AUTS2: variants seen among roughly 807,000 people sequenced by gnomAD.
The protein encoded by AUTS2 is autism susceptibility gene 2 protein.
AUTS2 carries 17 observed loss-of-function variants against 112.4 expected under a neutral mutation model. The ratio of observed to expected loss-of-function variants is 0.15; its 90% CI spans 0.10 to 0.23. AUTS2 has a LOEUF of 0.23. Among genes scored for constraint, AUTS2 ranks in the 10% least tolerant of loss-of-function variants. AUTS2 has a pLI of 1.00. For missense variants in AUTS2, 1,510 were observed against 1,701.6 expected (o/e 0.89, Z 1.98); for synonymous variants, 751 against 702.7 (o/e 1.07, Z -1.09).
At chr7:69,876,349 AATAT>A (rs61416382) in intron 1 of AUTS2, among the ~76,000 whole-genome samples, 1,773 of 29,490 alleles carry the variant, frequency 0.06, 66 homozygotes, top group Non-Finnish European at 0.07. Flanking sequence ...AAAAAAAAAA[AATAT>A]ATATATATAT....
intron 2 of AUTS2, among the ~76,000 whole-genome samples, chr7:69,984,347 C>T (rs933868881): frequency 1.4e-5 from 2 of 141,774 alleles, no homozygotes; most frequent in African/African-American, 5.4e-5. Context: ...GTGGAGCTTG[C>T]AGTGAGCCAA....
intron 5 of AUTS2, among the ~76,000 whole-genome samples, chr7:70,441,042 A>G (rs1796102997): frequency 6.6e-6 from 1 of 152,230 alleles, no homozygotes; most frequent in Non-Finnish European, 1.5e-5. Context: ...GAAAAACTTG[A>G]AAGTTGTGGA....
chr7:70,455,791 A>G (rs1284741034), intron 5 of AUTS2, among the ~76,000 whole-genome samples: 1 of 152,154 alleles, frequency 6.6e-6, no homozygotes, highest in Non-Finnish European at 1.5e-5. Flanking sequence ...TGTCGCTACA[A>G]TTAAAAAAAA....
chr7:70,338,772 G>A (rs912063359), intron 4 of AUTS2, among the ~76,000 whole-genome samples: 2 of 151,926 alleles, frequency 1.3e-5, no homozygotes, highest in African/African-American at 4.8e-5. Context: ...TGCTGCTGTT[G>A]TTGTTTTAAA....
chr7:70,668,706 G>A (rs1331462849), intron 5 of AUTS2, among the ~76,000 whole-genome samples: 2 of 152,226 alleles, frequency 1.3e-5, no homozygotes, highest in Non-Finnish European at 2.9e-5. Flanking sequence ...CAGTTAACAG[G>A]ACAAATATAA....
At chr7:70,512,184 G>A (rs571869337) in intron 5 of AUTS2, among the ~76,000 whole-genome samples, 2 of 152,152 alleles carry the variant, frequency 1.3e-5, no homozygotes, top group Non-Finnish European at 2.9e-5. Context: ...GTGGTGAACC[G>A]GGTGGGCCTC....
At chr7:69,892,434 A>C (rs964044300) in intron 1 of AUTS2, among the ~76,000 whole-genome samples, 1 of 152,082 alleles carries the variant, frequency 6.6e-6, no homozygotes, top group South Asian at 2.1e-4. Flanking sequence ...GTGAGCCATC[A>C]CACCTGGCCC....
At position 70,765,162 on chromosome 7, in the gene AUTS2, A is replaced by G. The variant is rs112561072; in HGVS notation, c.1468+157A>G. ...TCAAACGCTCTCTGGCCTGAGGTCC[A>G]GCAAAAATACCTGTCAGCACCCATA... On this transcript the variant is annotated intron_variant, in intron 8 of 18. Transcript: ENST00000342771. Among the ~76,000 whole-genome samples, 28 of 152,276 alleles carry G rather than the reference A, an allele frequency of 1.8e-4. 1 individual carries two copies. Among genetic ancestry groups the G allele is most frequent in the African/African-American group, 6.5e-4 (27 of 41,552 alleles).
chr7:69,952,063 T>TA (rs1797047972), intron 2 of AUTS2, among the ~76,000 whole-genome samples: 1 of 152,204 alleles, frequency 6.6e-6, no homozygotes, highest in Non-Finnish European at 1.5e-5. Flanking sequence ...AATTATTTTT[T>TA]ACTGCACTTT....
intron 4 of AUTS2, among the ~76,000 whole-genome samples, chr7:70,424,972 C>T (rs1001666651): frequency 6.6e-6 from 1 of 152,158 alleles, no homozygotes; most frequent in African/African-American, 2.4e-5. Context: ...TGGAGGAACC[C>T]TGCAAGATGT....
chr7:70,356,032 A>G (rs1286600296), intron 4 of AUTS2, among the ~76,000 whole-genome samples: 2 of 152,194 alleles, frequency 1.3e-5, no homozygotes, highest in Non-Finnish European at 2.9e-5. Flanking sequence ...AGTACCAGAC[A>G]CTACCTGCGG....
chr7:69,647,303 G>C (rs1188685137), intron 1 of AUTS2, among the ~76,000 whole-genome samples: 1 of 151,502 alleles, frequency 6.6e-6, no homozygotes, highest in Non-Finnish European at 1.5e-5. Flanking sequence ...TAGGATTCTA[G>C]AACCTGTGGC....
chr7:69,665,762 A>G (rs1446714604), intron 1 of AUTS2, among the ~76,000 whole-genome samples: 1 of 152,228 alleles, frequency 6.6e-6, no homozygotes, highest in Non-Finnish European at 1.5e-5. Context: ...ATAATAATAA[A>G]TTTTATGATT....
chr7:70,398,107 A>G (rs146548665), intron 4 of AUTS2, among the ~76,000 whole-genome samples: 1 of 152,220 alleles, frequency 6.6e-6, no homozygotes, highest in African/African-American at 2.4e-5. Context: ...TCTGTTGTTC[A>G]CATGTATGTG....
intron 5 of AUTS2, among the ~76,000 whole-genome samples, chr7:70,440,423 A>G (rs186591631): frequency 6.6e-6 from 1 of 152,074 alleles, no homozygotes; most frequent in Admixed American, 6.6e-5. Context: ...CTAAAAAAAT[A>G]AAAATATATG....
At chr7:70,405,555 A>C (rs1012450821) in intron 4 of AUTS2, among the ~76,000 whole-genome samples, 10 of 152,240 alleles carry the variant, frequency 6.6e-5, no homozygotes, top group African/African-American at 2.4e-4. Context: ...CATATGATAG[A>C]AGACCAAAGC....
chr7:70,054,118 A>G (rs893530534), intron 2 of AUTS2, among the ~76,000 whole-genome samples: 8 of 152,282 alleles, frequency 5.3e-5, no homozygotes, highest in African/African-American at 1.9e-4. Flanking sequence ...CCACATATGC[A>G]TTTGATATGT....
chr7:69,839,374 A>G (rs1329911852), intron 1 of AUTS2, among the ~76,000 whole-genome samples: 1 of 152,150 alleles, frequency 6.6e-6, no homozygotes, highest in Non-Finnish European at 1.5e-5. Context: ...TTTCTGGAGC[A>G]AAGCAGTAGC....
chr7:70,260,092 G>A (rs111242180), intron 4 of AUTS2, among the ~76,000 whole-genome samples: 1,878 of 152,030 alleles, frequency 0.012, 46 homozygotes, highest in African/African-American at 0.042. Flanking sequence ...ATGGCCAGGC[G>A]CGGTGGCTCA....
Sources: allele counts gnomAD v4.1 joint callset (sites outside exome capture counted in the v4.1 genomes callset), GRCh38; gene constraint gnomAD v4.1.1; transcripts MANE v1.5; gene names NCBI Gene and HGNC (gene_info 2026-07-23, HGNC 2026-07-21).